Variants in ZBTB4 observed in about 807,000 individuals in gnomAD.
ZBTB4 encodes zinc finger and BTB domain-containing protein 4.
A neutral mutation model predicts 59.8 loss-of-function variants in ZBTB4; 14 were observed. The ratio of observed to expected loss-of-function variants is 0.23; its 90% CI spans 0.15 to 0.37. The LOEUF is 0.37. Among genes scored for constraint, ZBTB4 ranks in the 10% least tolerant of loss-of-function variants. The probability of loss-of-function intolerance (pLI) is 1.00; values close to 1 mark genes in which losing one functional copy is unlikely to be tolerated. For missense variants in ZBTB4, 1,198 were observed against 1,380.8 expected, an observed-to-expected ratio of 0.87 and a Z score of 2.10; for synonymous variants, 587 against 575.2, an observed-to-expected ratio of 1.02 and a Z score of -0.29.
chr17:7,469,696 T>C (rs1014866505), intron 1 of ZBTB4, among the ~76,000 whole-genome samples: 10 of 151,440 alleles, frequency 6.6e-5, no homozygotes, highest in African/African-American at 2.2e-4. Context: ...ACCCAGGAAG[T>C]AGAGGCTGCA....
Position 7,463,502 on chromosome 17 carries a change from TC to T in ZBTB4, c.1479del (p.Ser494ValfsTer75). 1.9e-6 allele frequency: 3 copies of T among 1,552,428 alleles called. No homozygotes were observed. Among genetic ancestry groups the T allele is most frequent in the Admixed American group, 2.0e-5 (1 of 50,712 alleles). On this transcript the variant is annotated frameshift_variant, in exon 4 of 4. Coordinates refer to ENST00000380599, the MANE Select transcript of ZBTB4 (RefSeq NM_001128833.2). LOFTEE classifies it high-confidence loss of function. ...VHGGSSSGGG[G>X]SGTASTGGSQ... ...GACCCTCCTGTGCTGGCCGTCCCAC[TC>T]CCCCCTCCACCACTGCTACTGCCCC...
At chr17:7,481,584 C>T (rs2070346030), upstream of ZBTB4, 6 of 1,233,816 alleles carry the variant, frequency 4.9e-6, no homozygotes, top group Non-Finnish European at 6.6e-6. Context: ...CATTTCCCCT[C>T]CTTTCCTAAA....
At chr17:7,475,975 G>A (rs1202077915) in intron 1 of ZBTB4, among the ~76,000 whole-genome samples, 1 of 152,166 alleles carries the variant, frequency 6.6e-6, no homozygotes, top group Non-Finnish European at 1.5e-5. Flanking sequence ...AATGTGTCAT[G>A]TCTGACTCCA....
chr17:7,472,081 C>T (rs1030391107), intron 1 of ZBTB4, among the ~76,000 whole-genome samples: 1 of 152,188 alleles, frequency 6.6e-6, no homozygotes, highest in African/African-American at 2.4e-5. Context: ...TCCTTTAAGC[C>T]TTGACTTAGA....
At chr17:7,477,186 G>T (rs978964740) in intron 1 of ZBTB4, among the ~76,000 whole-genome samples, 1 of 152,230 alleles carries the variant, frequency 6.6e-6, no homozygotes, top group African/African-American at 2.4e-5. Flanking sequence ...GGAATTCCCA[G>T]TCCTGGGGGA....
At chr17:7,469,318 C>G (rs12942267) in intron 1 of ZBTB4, among the ~76,000 whole-genome samples, 1 of 151,862 alleles carries the variant, frequency 6.6e-6, no homozygotes, top group Non-Finnish European at 1.5e-5. Context: ...AGGCGTCCGC[C>G]GCCATGCCTG....
At chr17:7,470,872 A>G (rs756743009) in intron 1 of ZBTB4, among the ~76,000 whole-genome samples, 12 of 152,110 alleles carry the variant, frequency 7.9e-5, no homozygotes, top group Non-Finnish European at 1.6e-4. Flanking sequence ...GGCACCCACT[A>G]GGGCACAAAT....
At chr17:7,465,188 G>A (rs552040875) in intron 3 of ZBTB4, among the ~76,000 whole-genome samples, 6 of 149,652 alleles carry the variant, frequency 4.0e-5, no homozygotes, top group African/African-American at 7.4e-5. Context: ...GCCAGGTGTG[G>A]TGGCTCACGC....
chr17:7,462,002 G>T lies in ZBTB4; in HGVS notation c.2980C>A (p.Pro994Thr). 6.2e-7 allele frequency: 1 copy of T among 1,602,498 alleles called. No individual in the cohort carries two copies. The highest frequency in any genetic ancestry group is 8.5e-7 in the Non-Finnish European group (1 of 1,173,692). ...GCCCTTTCCCCTTCTCCCTTAGGGGGAATTGGTGGAGGAAGAGTTGGGGGA... is the reference window on the plus strand; with the variant it reads ...GCCCTTTCCCCTTCTCCCTTAGGGGTAATTGGTGGAGGAAGAGTTGGGGGA... ...PPPPTLPPPI[P>T]PKGEGERAGV... The change falls in exon 4 of 4, where the codon CCC becomes ACC. Residue 994 changes from proline (P) to threonine (T), a missense_variant. Around this residue, in one of 9 missense-constraint regions of ZBTB4, gnomAD observed 211 missense variants for 236.1 expected, o/e 0.89. Coordinates refer to ENST00000380599, the MANE Select transcript of ZBTB4 (RefSeq NM_001128833.2). This position sits in a 1 kb window ranked among gnomAD's most constrained non-coding sequence, Gnocchi z 7.5.
At chr17:7,479,001 C>T (rs938223491) in intron 1 of ZBTB4, among the ~76,000 whole-genome samples, 4 of 152,322 alleles carry the variant, frequency 2.6e-5, no homozygotes, top group Admixed American at 2.6e-4. Flanking sequence ...CCGCACACCC[C>T]AACTCTGGGG....
Position 7,460,212 on chromosome 17 carries a change from A to C in ZBTB4, c.*1728T>G, listed in dbSNP as rs1254677919. 6.6e-6 allele frequency: 1 copy of C among 152,616 alleles called. No individual in the cohort carries two copies. Among genetic ancestry groups the C allele is most frequent in the Non-Finnish European group, 1.5e-5 (1 of 68,042 alleles). 9.5% of individuals were successfully genotyped at this position (152,616 alleles called of 1,614,324 possible). A position where few individuals can be genotyped will look rare whatever the true frequency, so the allele number is the denominator to read the frequency against. Reference sequence around the variant, plus strand: ...GAAATTCGTCACTCAGGCTGTGGCCAAGACCAAGAAAAGTGCAAAGAGACA... The same window carrying C: ...GAAATTCGTCACTCAGGCTGTGGCCCAGACCAAGAAAAGTGCAAAGAGACA... On this transcript the variant is annotated 3_prime_UTR_variant, in exon 4 of 4. Transcript: ENST00000380599.
At chr17:7,481,017 G>A (rs2070338444), upstream of ZBTB4, among the ~76,000 whole-genome samples, 1 of 152,104 alleles carries the variant, frequency 6.6e-6, no homozygotes, top group African/African-American at 2.4e-5. Flanking sequence ...AAATTAGCGG[G>A]GTGTGGTGGC....
At chr17:7,473,152 G>T (rs1436455843) in intron 1 of ZBTB4, among the ~76,000 whole-genome samples, 1 of 132,848 alleles carries the variant, frequency 7.5e-6, no homozygotes, top group East Asian at 2.2e-4. Flanking sequence ...TCGCTCTGTC[G>T]CCCAGGCTGG....
Position 7,461,932 on chromosome 17 carries a change from C to T in ZBTB4, c.*8G>A, listed in dbSNP as rs373429072. 13 of 1,527,170 alleles carry T rather than the reference C, an allele frequency of 8.5e-6. No individual in the cohort carries two copies. Among genetic ancestry groups the T allele is most frequent in the African/African-American group, 1.4e-5 (1 of 72,036 alleles). The allele number at this position is 1,527,170 out of a possible 1,614,324, so 94.6% of individuals were successfully genotyped here. A position where few individuals can be genotyped will look rare whatever the true frequency, so the allele number is the denominator to read the frequency against. On this transcript the variant is annotated 3_prime_UTR_variant, in exon 4 of 4. Transcript: ENST00000380599. Reference sequence around the variant, plus strand: ...GCATCTGGTGAAAGGGGGATTGAGCCCCAGGGTTCACCCCACATCGCCCTT... The same window carrying T: ...GCATCTGGTGAAAGGGGGATTGAGCTCCAGGGTTCACCCCACATCGCCCTT...
chr17:7,462,132 C>T lies in ZBTB4; in HGVS notation c.2850G>A (p.Met950Ile). Residue 950 changes from methionine (M) to isoleucine (I), a missense_variant, in exon 4 of 4, where the codon ATG (methionine) becomes ATA (isoleucine). By Grantham distance (10) the Met-to-Ile change is conservative. Transcript: ENST00000380599. This position sits in a 1 kb window ranked among gnomAD's most constrained non-coding sequence, Gnocchi z 7.5. ...CCGCACCCTTCTCATCAGGTAGGAC[C>T]ATGTTGAGAGCAACCGGGAGAGCGG... Reference protein sequence around the residue: ...NLAALPVALNMVLPDEKGAGA... With the variant: ...NLAALPVALNIVLPDEKGAGA... 6.2e-7 allele frequency: 1 copy of T among 1,613,650 alleles called. No homozygotes were observed.
chr17:7,481,524 G>C (rs200434184), upstream of ZBTB4: 4 of 1,559,918 alleles, frequency 2.6e-6, no homozygotes, highest in South Asian at 3.6e-5. Context: ...AAGATGGTGA[G>C]TGTGGGGGCC....
intron 3 of ZBTB4, 96 bp from the exon 4 acceptor site, chr17:7,463,986 T>C: frequency 1.3e-6 from 2 of 1,508,828 alleles, no homozygotes; most frequent in Non-Finnish European, 1.8e-6. Flanking sequence ...CACTCAAACC[T>C]GTGACTCCCG....
At chr17:7,475,455 TAC>T in intron 1 of ZBTB4, among the ~76,000 whole-genome samples, 1 of 152,188 alleles carries the variant, frequency 6.6e-6, no homozygotes, top group East Asian at 1.9e-4. Flanking sequence ...ATATTCTCAG[TAC>T]AGCCACCCAC....
At chr17:7,482,037 C>T (rs768837567), upstream of ZBTB4, 10 of 1,612,612 alleles carry the variant, frequency 6.2e-6, no homozygotes, top group African/African-American at 2.7e-5. Flanking sequence ...CACCCATCGC[C>T]GCCCTCCGCT....
Sources: allele counts gnomAD v4.1 joint callset (sites outside exome capture counted in the v4.1 genomes callset), GRCh38; gene constraint gnomAD v4.1.1; regional missense constraint gnomAD v4.1.1; non-coding constraint Gnocchi (gnomAD v3.1); transcripts MANE v1.5; gene names NCBI Gene and HGNC (gene_info 2026-07-23, HGNC 2026-07-21).